The following BTD variants were observed in gnomAD, a reference collection of about 807,000 sequenced individuals.
The protein encoded by BTD is biocytinase.
BTD carries 13 observed loss-of-function variants against 17.7 expected under a neutral mutation model. That is an observed-to-expected ratio of 0.74 (90% CI 0.48 to 1.17). The LOEUF (loss-of-function observed/expected upper bound fraction) is 1.17, where lower values mean the gene tolerates loss of function less well. Among genes scored for constraint, BTD ranks in the 50% most tolerant of loss-of-function variants. The pLI, the probability that BTD is intolerant of heterozygous loss-of-function variation, is 0.00. For missense variants in BTD, 674 were observed against 650.4 expected (o/e 1.04, Z -0.39); for synonymous variants, 240 against 245.2 (o/e 0.98, Z 0.20).
chr3:15,670,539 C>T (rs1416197239), intron 3 of BTD: 1 of 1,613,648 alleles, frequency 6.2e-7, no homozygotes, highest in Non-Finnish European at 8.5e-7. Context: ...GGAGCACAGG[C>T]CAAAGCTGGG....
chr3:15,708,837 A>C (rs2470514), intron 3 of BTD, among the ~76,000 whole-genome samples: 101,676 of 152,014 alleles, frequency 0.67, 34,490 homozygotes, highest in East Asian at 0.91. Context: ...TCTCTTCTGC[A>C]CTGGTTCTAT....
intron 1 of BTD, among the ~76,000 whole-genome samples, chr3:15,626,572 G>T (rs557981186): frequency 2.4e-4 from 37 of 152,132 alleles, no homozygotes; most frequent in Non-Finnish European, 4.0e-4. Flanking sequence ...CAGGCCTGGA[G>T]TCGAGACTAG....
At chr3:15,687,475 A>G (rs2068268584) in intron 3 of BTD, among the ~76,000 whole-genome samples, 1 of 152,206 alleles carries the variant, frequency 6.6e-6, no homozygotes, top group Admixed American at 6.5e-5. Flanking sequence ...AATCCTCTGC[A>G]AAATTCAGGT....
chr3:15,630,090 A>G, intron 1 of BTD: 1 of 985,442 alleles, frequency 1.0e-6, no homozygotes, highest in Non-Finnish European at 1.2e-6. Context: ...AAATTGCAAC[A>G]AATTCAAAAA....
chr3:15,701,172 T>C (rs1168841543), intron 3 of BTD, among the ~76,000 whole-genome samples: 1 of 152,252 alleles, frequency 6.6e-6, no homozygotes, highest in Admixed American at 6.5e-5. Flanking sequence ...AGAGCCATTA[T>C]TTCAATGCTA....
Position 15,635,738 on chromosome 3 carries a change from T to C in BTD, c.249+50T>C. On this transcript the variant is annotated intron_variant, in intron 2 of 3. Transcript: ENST00000643237. The surrounding 1 kb of genome is among the most constrained non-coding windows in gnomAD (Gnocchi z 4.1). The stretch of plus-strand genomic sequence containing the variant: ...GTTTCTCTCATACAGAGCAGATTGC[T>C]CTTTACCCCTTGATCAGTGGTTGGG... 1.9e-6 allele frequency: 3 copies of C among 1,612,526 alleles called. No homozygotes were observed. Among genetic ancestry groups the C allele is most frequent in the South Asian group, 1.1e-5 (1 of 90,894 alleles).
At position 15,685,180 on chromosome 3, in the gene BTD, C is replaced by T. The variant is rs376195797; in HGVS notation, c.400-24880C>T. 2.5e-4 allele frequency: 395 copies of T among 1,587,860 alleles called. 1 individual carries two copies. In the Middle Eastern group the frequency reaches 4.8e-3, roughly 19 times the overall value. On this transcript the variant is annotated intron_variant, in intron 3 of 3. Coordinates refer to the BTD transcript ENST00000672141. ...CCTTATAAATATGTCATTCTTTTAT[C>T]TCTGTTCACTACACAATGATATGCA...
At chr3:15,711,809 C>T (rs1455032282) in exon 4 of BTD, among the ~76,000 whole-genome samples, 1 of 151,924 alleles carries the variant, frequency 6.6e-6, no homozygotes, top group East Asian at 1.9e-4. Flanking sequence ...GCCTCAGCCT[C>T]CCAAGTAGCT....
At chr3:15,686,112 G>A in intron 3 of BTD, 1 of 1,612,614 alleles carries the variant, frequency 6.2e-7, no homozygotes, top group Non-Finnish European at 8.5e-7. Flanking sequence ...GATAGCATCA[G>A]AGGCGTCCTG....
chr3:15,652,198 C>T lies in BTD; in HGVS notation c.*6710C>T, dbSNP rs191895315. 2.8e-4 allele frequency among the ~76,000 whole-genome samples: 43 copies of T among 152,290 alleles called. No homozygotes were observed. The highest frequency in any genetic ancestry group is 3.4e-3 in the Middle Eastern group (1 of 294). The stretch of plus-strand genomic sequence containing the variant: ...AAAAATTAGCCGGCATGGTGGCACA[C>T]GCCTGTAGTCCCAGCTAGTCGGGAG... On this transcript the variant is annotated 3_prime_UTR_variant, in exon 4 of 4. Coordinates refer to ENST00000643237, the MANE Select transcript of BTD (RefSeq NM_001370658.1).
At chr3:15,688,999 A>G (rs908914453) in intron 3 of BTD, among the ~76,000 whole-genome samples, 4 of 152,370 alleles carry the variant, frequency 2.6e-5, no homozygotes, top group Middle Eastern at 3.4e-3. Flanking sequence ...TTTTGTTGAT[A>G]AAGTGTTTCA....
At chr3:15,667,258 TTTC>T (rs1402822260) in intron 3 of BTD, 1 of 152,252 alleles carries the variant, frequency 6.6e-6, no homozygotes, top group African/African-American at 2.4e-5. Flanking sequence ...AAAAACTTTA[TTTC>T]TTTTAAAAGG....
At chr3:15,658,707 C>T (rs1411451607), downstream of BTD, among the ~76,000 whole-genome samples, 1 of 152,180 alleles carries the variant, frequency 6.6e-6, no homozygotes, top group Non-Finnish European at 1.5e-5. Context: ...TTAGTTTTCC[C>T]TGACTCTTCT....
At chr3:15,697,299 G>T (rs2069752927) in intron 3 of BTD, 1 of 152,950 alleles carries the variant, frequency 6.5e-6, no homozygotes, top group Admixed American at 6.6e-5. Flanking sequence ...TTCCCAAATT[G>T]TACCCAATAT....
At chr3:15,638,930 C>A (rs1385539674) in intron 2 of BTD, among the ~76,000 whole-genome samples, 1 of 152,152 alleles carries the variant, frequency 6.6e-6, no homozygotes, top group Admixed American at 6.5e-5. Context: ...CTTATGGGAC[C>A]ACCATCACAT....
intron 3 of BTD, among the ~76,000 whole-genome samples, chr3:15,661,281 AAAAAAAAAAAAAG>A (rs1279814676): frequency 0.08 from 11,644 of 145,288 alleles, 693 homozygotes; most frequent in East Asian, 0.32. Flanking sequence ...AAAAAAAAAA[AAAAAAAAAAAAAG>A]AAAAAGAAAA....
intron 3 of BTD, among the ~76,000 whole-genome samples, chr3:15,695,625 T>G (rs1393116300): frequency 6.6e-6 from 1 of 152,148 alleles, no homozygotes; most frequent in Non-Finnish European, 1.5e-5. Context: ...ATCTTTTCCT[T>G]GACTTTCCTT....
intron 3 of BTD, among the ~76,000 whole-genome samples, chr3:15,660,184 G>A (rs1388934045): frequency 6.6e-6 from 1 of 152,164 alleles, no homozygotes; most frequent in African/African-American, 2.4e-5. Context: ...ATTTGCCCAG[G>A]GTCACCCAGC....
chr3:15,702,111 C>G (rs2070716642), intron 3 of BTD, among the ~76,000 whole-genome samples: 1 of 152,146 alleles, frequency 6.6e-6, no homozygotes, highest in African/African-American at 2.4e-5. Context: ...TAAGCATTAT[C>G]TCTAACAAAT....
Sources: allele counts gnomAD v4.1 joint callset (sites outside exome capture counted in the v4.1 genomes callset), GRCh38; gene constraint gnomAD v4.1.1; non-coding constraint Gnocchi (gnomAD v3.1); transcripts MANE v1.5; gene names NCBI Gene and HGNC (gene_info 2026-07-23, HGNC 2026-07-21).